ACOT7: variants seen among roughly 807,000 people sequenced by gnomAD.
The protein encoded by ACOT7 is acyl-CoA thioesterase 7.
A neutral mutation model predicts 40.2 loss-of-function variants in ACOT7; 12 were observed. That is an observed-to-expected ratio of 0.30 (90% CI 0.19 to 0.48). ACOT7 has a LOEUF of 0.48. Ranked by LOEUF, ACOT7 falls within the 20% of genes least tolerant of loss-of-function variation. The pLI, the probability that ACOT7 is intolerant of heterozygous loss-of-function variation, is 0.99. For missense variants in ACOT7, 395 were observed against 530.8 expected (o/e 0.74, Z 2.51); for synonymous variants, 228 against 219.5 (o/e 1.04, Z -0.34).
Position 6,358,681 on chromosome 1 carries a change from T to A in ACOT7, c.144-8815A>T. The A allele has an allele frequency of 2.5e-6, 2 of 786,764 alleles. No homozygotes were observed. The highest frequency in any genetic ancestry group is 4.2e-6 in the Non-Finnish European group (2 of 478,658). The allele number at this position is 786,764 out of a possible 1,614,324, so 48.7% of individuals were successfully genotyped here. On this transcript the variant is annotated intron_variant, in intron 1 of 8. Coordinates refer to ENST00000361521, the MANE Select transcript of ACOT7 (RefSeq NM_007274.4). The surrounding 1 kb of genome is among the most constrained non-coding windows in gnomAD (Gnocchi z 4.1). ...GAGCCAGGCCAGGTGGGTGCCCTAC[T>A]GCCCTTCCTGGCTGCATGACACCAG...
rs191795901 is a variant in ACOT7 at position 6,271,425 on chromosome 1, G to T, written c.1015-6730C>A. Among the ~76,000 whole-genome samples, 2 of 152,152 alleles carry T rather than the reference G, an allele frequency of 1.3e-5. 1 individual carries two copies. The highest frequency in any genetic ancestry group is 4.1e-4 in the South Asian group (2 of 4,820). Reference sequence around the variant, plus strand: ...TAACAGGAGACAAGAGGGGTCTTGGGATAATCACAAAAGCAATGAAAACAT... The same window carrying T: ...TAACAGGAGACAAGAGGGGTCTTGGTATAATCACAAAAGCAATGAAAACAT... On this transcript the variant is annotated intron_variant, in intron 8 of 8. Coordinates refer to ENST00000361521, the MANE Select transcript of ACOT7 (RefSeq NM_007274.4).
At chr1:6,298,644 T>TTCA (rs1218366909) in intron 6 of ACOT7, among the ~76,000 whole-genome samples, 8 of 152,176 alleles carry the variant, frequency 5.3e-5, no homozygotes, top group Non-Finnish European at 1.2e-4. Flanking sequence ...ACCTCTGGGC[T>TTCA]TCAGGTGGCT....
chr1:6,277,369 A>C (rs946785710), intron 8 of ACOT7, among the ~76,000 whole-genome samples: 3 of 152,178 alleles, frequency 2.0e-5, no homozygotes, highest in African/African-American at 7.2e-5. Context: ...ACCTGGGAGG[A>C]TGCCCCCCAC....
chr1:6,325,252 G>C (rs1231001087), intron 5 of ACOT7, among the ~76,000 whole-genome samples: 1 of 152,148 alleles, frequency 6.6e-6, no homozygotes, highest in Non-Finnish European at 1.5e-5. Context: ...CAAAAAATAA[G>C]TGGGGCATGG....
Position 6,335,377 on chromosome 1 carries a change from A to G in ACOT7, c.419-1809T>C, listed in dbSNP as rs797014920. Among the ~76,000 whole-genome samples, 9 of 151,012 alleles carry G rather than the reference A, an allele frequency of 6.0e-5. 1 individual carries two copies. The highest frequency in any genetic ancestry group is 2.2e-4 in the African/African-American group (9 of 41,178). On this transcript the variant is annotated intron_variant, in intron 3 of 8. Coordinates refer to ENST00000361521, the MANE Select transcript of ACOT7 (RefSeq NM_007274.4). ...ATTAGCTGGGCATGGCGGTGCACAC[A>G]TGTGGTCCCAAAGGCTGAGATAGGA... is the stretch of plus-strand genomic sequence containing the variant.
chr1:6,390,774 A>G (rs550485175), intron 1 of ACOT7, among the ~76,000 whole-genome samples: 2 of 151,222 alleles, frequency 1.3e-5, no homozygotes, highest in East Asian at 2.0e-4. Context: ...CGTCTCTACT[A>G]AAAATACAAA....
chr1:6,321,301 A>G (rs1031379417), intron 5 of ACOT7, among the ~76,000 whole-genome samples: 1 of 152,182 alleles, frequency 6.6e-6, no homozygotes, highest in Non-Finnish European at 1.5e-5. Context: ...AGGCAAATTC[A>G]GTTTCCTCGT....
intron 6 of ACOT7, among the ~76,000 whole-genome samples, chr1:6,303,015 T>G (rs1640013914): frequency 6.6e-6 from 1 of 150,882 alleles, no homozygotes; most frequent in Non-Finnish European, 1.5e-5. Flanking sequence ...CCTGGGCCCC[T>G]GCCTTGCCAG....
chr1:6,393,543 A>T lies in ACOT7; in HGVS notation c.-144T>A. ...CCGCCTCCCAGGCCGCCAAGGCTGC[A>T]GAGAGCTCGCGCGGGCGTACGATTC... On this transcript the variant is annotated 5_prime_UTR_variant, in exon 1 of 9. Transcript: ENST00000361521. The T allele has an allele frequency of 1.4e-6, 1 of 702,162 alleles. No homozygotes were observed. Among genetic ancestry groups the T allele is most frequent in the Non-Finnish European group, 1.9e-6 (1 of 516,898 alleles). The allele number at this position is 702,162 out of a possible 1,614,324, so 43.5% of individuals were successfully genotyped here.
rs1405838160 is a variant in ACOT7, at chr1:6,323,743, T to A, written c.625+3556A>T. Among the ~76,000 whole-genome samples the A allele has an allele frequency of 6.4e-3, 555 of 86,452 alleles. 8 individuals carry two copies. The highest frequency in any genetic ancestry group is 0.036 in the African/African-American group (515 of 14,214). The allele number at this position is 86,452 out of a possible 152,430, so 56.7% of individuals were successfully genotyped here. Reference sequence around the variant, plus strand: ...AAAAAAAAAAAAAAAAAAAAATATATATATATATATATATATATATATATA... The same window carrying A: ...AAAAAAAAAAAAAAAAAAAAATATAAATATATATATATATATATATATATA... On this transcript the variant is annotated intron_variant, in intron 5 of 8. Coordinates refer to ENST00000361521, the MANE Select transcript of ACOT7 (RefSeq NM_007274.4).
At chr1:6,287,832 C>T (rs1639547521) in intron 7 of ACOT7, among the ~76,000 whole-genome samples, 1 of 152,216 alleles carries the variant, frequency 6.6e-6, no homozygotes, top group African/African-American at 2.4e-5. Flanking sequence ...AGAGCTGTGG[C>T]TGTTAACTTT....
intron 1 of ACOT7, among the ~76,000 whole-genome samples, chr1:6,381,611 G>C (rs1339626603): frequency 6.6e-6 from 1 of 151,710 alleles, no homozygotes; most frequent in African/African-American, 2.4e-5. Flanking sequence ...TAGCCGCTGT[G>C]GAAAACAGTA....
At position 6,352,483 on chromosome 1, in the gene ACOT7, TG is replaced by T. The variant is rs1442822070; in HGVS notation, c.144-2618del. Among the ~76,000 whole-genome samples the T allele has an allele frequency of 1.3e-5, 2 of 152,144 alleles. No homozygotes were observed. Among genetic ancestry groups the T allele is most frequent in the Non-Finnish European group, 1.5e-5 (1 of 68,026 alleles). On this transcript the variant is annotated intron_variant, in intron 1 of 8. Transcript: ENST00000361521. This position sits in a 1 kb window ranked among gnomAD's most constrained non-coding sequence, Gnocchi z 4.5. ...CCCATGGCCTGGCCAAGGCCAACCG[TG>T]TCCATCCCAGGACAGGGTCATGACT...
chr1:6,336,443 T>C (rs1236671179), intron 3 of ACOT7, among the ~76,000 whole-genome samples: 3 of 152,064 alleles, frequency 2.0e-5, no homozygotes, highest in South Asian at 4.1e-4. Flanking sequence ...ATTTTGACAG[T>C]TGCTGGAGAT....
intron 1 of ACOT7, among the ~76,000 whole-genome samples, chr1:6,382,627 C>T (rs1003308356): frequency 6.6e-6 from 1 of 151,528 alleles, no homozygotes; most frequent in Admixed American, 6.6e-5. Flanking sequence ...ACCAGCCTGG[C>T]CAACATGGCG....
intron 2 of ACOT7, among the ~76,000 whole-genome samples, chr1:6,345,290 C>CA (rs1641388635): frequency 6.6e-6 from 1 of 152,238 alleles, no homozygotes; most frequent in South Asian, 2.1e-4. Flanking sequence ...CACAGGCATC[C>CA]CAGCAAACCA....
chr1:6,367,152 T>C (rs1017131204), intron 1 of ACOT7, among the ~76,000 whole-genome samples: 1 of 147,224 alleles, frequency 6.8e-6, no homozygotes, highest in African/African-American at 2.5e-5. Context: ...TGAGCTGAGA[T>C]CGCACCACTG....
chr1:6,321,425 C>T (rs545491687), intron 5 of ACOT7, among the ~76,000 whole-genome samples: 6 of 152,294 alleles, frequency 3.9e-5, no homozygotes, highest in South Asian at 4.1e-4. Flanking sequence ...TTTTACTTTT[C>T]CATCCCACTC....
In ACOT7 at chr1:6,294,651, C is replaced by T. The variant is rs1032370259; in HGVS notation, c.829+213G>A. 6.6e-6 allele frequency among the ~76,000 whole-genome samples: 1 copy of T among 152,136 alleles called. No individual in the cohort carries two copies. The highest frequency in any genetic ancestry group is 2.4e-5 in the African/African-American group (1 of 41,420). ...CAGGTCTTTAGGAGGATAATGGCCCCGTCATATCTGAGTCAAGGATTTTAC... is the reference window on the plus strand; with the variant it reads ...CAGGTCTTTAGGAGGATAATGGCCCTGTCATATCTGAGTCAAGGATTTTAC... On this transcript the variant is annotated intron_variant, in intron 7 of 8. Coordinates refer to ENST00000361521, the MANE Select transcript of ACOT7 (RefSeq NM_007274.4). The surrounding 1 kb of genome is among the most constrained non-coding windows in gnomAD (Gnocchi z 4.6).
Sources: allele counts gnomAD v4.1 joint callset (sites outside exome capture counted in the v4.1 genomes callset), GRCh38; gene constraint gnomAD v4.1.1; non-coding constraint Gnocchi (gnomAD v3.1); transcripts MANE v1.5; gene names NCBI Gene and HGNC (gene_info 2026-07-23, HGNC 2026-07-21).